PCDHA2: variants seen among roughly 807,000 people sequenced by gnomAD.
PCDHA2 encodes the protein protocadherin alpha-2.
Under a neutral mutation model 66.0 loss-of-function variants are expected in PCDHA2, and 58 were observed. That is an observed-to-expected ratio of 0.88 (90% confidence interval 0.71 to 1.09). The LOEUF (loss-of-function observed/expected upper bound fraction) is 1.09. Among genes scored for constraint, PCDHA2 ranks in the 50% least tolerant of loss-of-function variants. The pLI is 0.00. For missense variants in PCDHA2, 1,267 were observed against 1,242.3 expected (o/e 1.02, Z -0.30); for synonymous variants, 634 against 554.0 (o/e 1.14, Z -2.03).
chr5:140,925,125 A>G (rs1399052853), intron 1 of PCDHA2, among the ~76,000 whole-genome samples: 2 of 150,878 alleles, frequency 1.3e-5, no homozygotes, highest in African/African-American at 2.4e-5. Flanking sequence ...AAGGAAGGAA[A>G]AAAAATTTCA....
intron 1 of PCDHA2, among the ~76,000 whole-genome samples, chr5:140,961,096 G>A (rs1040764862): frequency 3.9e-5 from 6 of 152,222 alleles, no homozygotes; most frequent in Admixed American, 3.3e-4. Flanking sequence ...TGACTTTTTG[G>A]TCACCCAACC....
intron 1 of PCDHA2, among the ~76,000 whole-genome samples, chr5:140,965,168 T>A (rs1484687706): frequency 6.6e-6 from 1 of 152,180 alleles, no homozygotes; most frequent in Non-Finnish European, 1.5e-5. Context: ...GACGTTTTAG[T>A]GAGTGCTTTT....
chr5:140,863,361 C>T (rs1562578610), intron 1 of PCDHA2: 1 of 1,203,518 alleles, frequency 8.3e-7, no homozygotes. Flanking sequence ...CGCTGCGGTG[C>T]TTGGCGCAGC....
chr5:140,967,898 G>A (rs751530394), intron 1 of PCDHA2: 9 of 1,614,046 alleles, frequency 5.6e-6, no homozygotes, highest in Non-Finnish European at 7.6e-6. Context: ...GCCTGAGAAT[G>A]CTACACCCAA....
intron 3 of PCDHA2, among the ~76,000 whole-genome samples, chr5:140,986,707 A>G (rs2097210304): frequency 6.6e-6 from 1 of 152,186 alleles, no homozygotes; most frequent in Admixed American, 6.5e-5. Flanking sequence ...AGCACTGCAG[A>G]AGATAACATT....
intron 1 of PCDHA2, among the ~76,000 whole-genome samples, chr5:140,918,436 A>T (rs2078697265): frequency 6.6e-6 from 1 of 152,092 alleles, no homozygotes; most frequent in Admixed American, 6.6e-5. Context: ...GTTGAATAGG[A>T]GTGGTGACAG....
chr5:140,869,283 G>A, intron 1 of PCDHA2: 2 of 1,613,602 alleles, frequency 1.2e-6, no homozygotes, highest in Non-Finnish European at 1.7e-6. Flanking sequence ...CGGAGCTGGT[G>A]CAGCGCCTGT....
At chr5:140,825,989 G>A (rs1261302386) in intron 1 of PCDHA2, 1 of 152,210 alleles carries the variant, frequency 6.6e-6, no homozygotes, top group Non-Finnish European at 1.5e-5. Context: ...GGATTTATAG[G>A]TAGTAAATAG....
chr5:140,901,917 T>C (rs776284320), intron 1 of PCDHA2, among the ~76,000 whole-genome samples: 15 of 152,090 alleles, frequency 9.9e-5, no homozygotes, highest in Admixed American at 4.6e-4. Context: ...ATCTTTCACT[T>C]CTTTGGTTAA....
intron 1 of PCDHA2, chr5:140,848,602 C>A (rs140949600): frequency 8.2e-6 from 13 of 1,593,476 alleles, no homozygotes; most frequent in Non-Finnish European, 1.1e-5. Flanking sequence ...TACTCCGTCC[C>A]GGAGGAAGCC....
At chr5:140,905,234 C>T (rs1303215169) in intron 1 of PCDHA2, among the ~76,000 whole-genome samples, 1 of 152,144 alleles carries the variant, frequency 6.6e-6, no homozygotes, top group African/African-American at 2.4e-5. Flanking sequence ...GATGAGGATC[C>T]AGTTTCATTC....
At chr5:140,879,237 G>C (rs999977997) in intron 1 of PCDHA2, among the ~76,000 whole-genome samples, 14 of 152,134 alleles carry the variant, frequency 9.2e-5, no homozygotes, top group African/African-American at 3.4e-4. Context: ...TATACAAGAG[G>C]CACTGGCAAA....
intron 1 of PCDHA2, chr5:140,821,740 A>G: frequency 6.4e-7 from 1 of 1,551,082 alleles, no homozygotes. Context: ...TTGTGTGGTG[A>G]TGCAATAGAA....
At chr5:140,920,609 G>C (rs1319890021) in intron 1 of PCDHA2, among the ~76,000 whole-genome samples, 1 of 152,160 alleles carries the variant, frequency 6.6e-6, no homozygotes. Flanking sequence ...ACTTTGGGAG[G>C]CCGAGGCGGA....
intron 1 of PCDHA2, among the ~76,000 whole-genome samples, chr5:140,975,067 T>C (rs2096652705): frequency 6.6e-6 from 1 of 152,146 alleles, no homozygotes; most frequent in African/African-American, 2.4e-5. Flanking sequence ...TCGAGCTCAT[T>C]CAGATTGTTG....
intron 1 of PCDHA2, among the ~76,000 whole-genome samples, chr5:140,846,568 G>A (rs1403872525): frequency 6.7e-6 from 1 of 148,182 alleles, no homozygotes; most frequent in Non-Finnish European, 1.5e-5. Context: ...TAGAGTCGGG[G>A]TTTCACCATG....
Position 140,849,870 on chromosome 5 carries a change from G to A in PCDHA2, c.2388+52518G>A, listed in dbSNP as rs2150455328. 1.3e-5 allele frequency: 21 copies of A among 1,598,494 alleles called. 3 individuals are homozygous for A. The highest frequency in any genetic ancestry group is 5.1e-5 in the Admixed American group (3 of 59,300). The stretch of plus-strand genomic sequence containing the variant: ...CAACGCACCAGCGTTCGCGCAGTCC[G>A]AGTACACGGTGTTCGTGAAGGAGAA... On this transcript the variant is annotated intron_variant, in intron 1 of 3. Transcript: ENST00000526136.
intron 1 of PCDHA2, chr5:140,968,461 C>G (rs141568667): frequency 1.4e-5 from 22 of 1,614,078 alleles, no homozygotes; most frequent in Non-Finnish European, 1.9e-5. Context: ...CTGTGACTGC[C>G]AACGTATATG....
At chr5:140,875,906 C>T in intron 1 of PCDHA2, 1 of 1,614,204 alleles carries the variant, frequency 6.2e-7, no homozygotes, top group East Asian at 2.2e-5. Flanking sequence ...GTTTCTGAAT[C>T]TGCGCCTCTG....
Sources: allele counts gnomAD v4.1 joint callset (sites outside exome capture counted in the v4.1 genomes callset), GRCh38; gene constraint gnomAD v4.1.1; transcripts MANE v1.5; gene names NCBI Gene and HGNC (gene_info 2026-07-23, HGNC 2026-07-21).